Variants in ROBO2 observed in about 807,000 individuals in gnomAD.
The protein encoded by ROBO2 is roundabout homolog 2.
A neutral mutation model predicts 160.8 loss-of-function variants in ROBO2; 53 were observed. The observed-to-expected ratio is 0.33, with a 90% CI of 0.26 to 0.41. ROBO2 has a LOEUF of 0.41. Among genes scored for constraint, ROBO2 ranks in the 10% least tolerant of loss-of-function variants. The pLI is 1.00. For synonymous variants in ROBO2, 664 were observed against 611.7 expected (o/e 1.09, Z -1.26); for missense variants, 1,577 against 1,722.4 (o/e 0.92, Z 1.49).
chr3:76,335,048 T>G (rs1415928595), intron 2 of ROBO2, among the ~76,000 whole-genome samples: 1 of 152,106 alleles, frequency 6.6e-6, no homozygotes, highest in Non-Finnish European at 1.5e-5. Context: ...TTTTTTTGTT[T>G]TTGTAGAGAC....
At chr3:76,424,011 C>T (rs918577882) in intron 2 of ROBO2, among the ~76,000 whole-genome samples, 3 of 152,006 alleles carry the variant, frequency 2.0e-5, no homozygotes, top group African/African-American at 7.2e-5. Flanking sequence ...TCCAAAACGT[C>T]GATGAATCAA....
chr3:77,583,264 T>A (rs1463325556), intron 16 of ROBO2, among the ~76,000 whole-genome samples: 1 of 152,110 alleles, frequency 6.6e-6, no homozygotes, highest in African/African-American at 2.4e-5. Context: ...GGGTTAGTCT[T>A]GGCTGCATCA....
At chr3:76,370,580 A>C (rs1311347216) in intron 2 of ROBO2, among the ~76,000 whole-genome samples, 1 of 151,958 alleles carries the variant, frequency 6.6e-6, no homozygotes, top group Non-Finnish European at 1.5e-5. Flanking sequence ...CAAAGAAACC[A>C]CAGAGTCAAG....
intron 2 of ROBO2, among the ~76,000 whole-genome samples, chr3:76,585,848 G>A (rs866933831): frequency 2.5e-4 from 38 of 152,190 alleles, no homozygotes; most frequent in African/African-American, 8.4e-4. Flanking sequence ...ATGTACATGC[G>A]TATACAGTAT....
chr3:76,336,897 G>T (rs1291449742), intron 2 of ROBO2, among the ~76,000 whole-genome samples: 1 of 151,772 alleles, frequency 6.6e-6, no homozygotes, highest in African/African-American at 2.4e-5. Context: ...TTGTCAATTA[G>T]GTAAAATATG....
At position 76,862,605 on chromosome 3, in the gene ROBO2, C is replaced by T. The variant is rs547190651; in HGVS notation, c.110-235409C>T. Among the ~76,000 whole-genome samples the T allele has an allele frequency of 3.3e-5, 5 of 151,946 alleles. No homozygotes were observed. In the East Asian group the frequency reaches 7.8e-4, roughly 24 times the overall value. On this transcript the variant is annotated intron_variant, in intron 2 of 26. Transcript: ENST00000487694. ...TGTGTGTTCAGATTCTCTCTGTGTCCCTGTGTCTTCAGAGATATGGATATT... is the reference window on the plus strand; with the variant it reads ...TGTGTGTTCAGATTCTCTCTGTGTCTCTGTGTCTTCAGAGATATGGATATT...
intron 2 of ROBO2, among the ~76,000 whole-genome samples, chr3:76,578,420 C>A (rs1025700116): frequency 3.9e-5 from 6 of 152,240 alleles, no homozygotes; most frequent in Middle Eastern, 3.4e-3. Context: ...CCTCTCACCC[C>A]CCATTCATTT....
chr3:76,628,513 T>G (rs533274218), intron 2 of ROBO2, among the ~76,000 whole-genome samples: 51 of 150,850 alleles, frequency 3.4e-4, no homozygotes, highest in African/African-American at 1.2e-3. Context: ...AAGAATCACC[T>G]TCAGCTCCCA....
At chr3:76,691,289 G>T (rs2107221407) in intron 2 of ROBO2, among the ~76,000 whole-genome samples, 1 of 152,158 alleles carries the variant, frequency 6.6e-6, no homozygotes, top group South Asian at 2.1e-4. Context: ...GCCCTCACAA[G>T]ATGCAGTCCA....
At chr3:76,908,866 T>A (rs754418848) in intron 2 of ROBO2, among the ~76,000 whole-genome samples, 1 of 152,226 alleles carries the variant, frequency 6.6e-6, no homozygotes, top group African/African-American at 2.4e-5. Context: ...TATATGAAGA[T>A]AATTGATAAT....
chr3:76,071,553 T>A (rs2068454995), intron 2 of ROBO2, among the ~76,000 whole-genome samples: 1 of 152,166 alleles, frequency 6.6e-6, no homozygotes, highest in Non-Finnish European at 1.5e-5. Context: ...TATATTCGTA[T>A]CTTTAGGTAT....
chr3:77,602,065 C>T, intron 19 of ROBO2, 145 bp from the exon 21 acceptor site: 1 of 811,386 alleles, frequency 1.2e-6, no homozygotes, highest in Middle Eastern at 3.3e-4. Context: ...GGTTGTATAT[C>T]ATCTACCCTT....
At chr3:76,336,171 T>C (rs745803273) in intron 2 of ROBO2, among the ~76,000 whole-genome samples, 16 of 152,202 alleles carry the variant, frequency 1.1e-4, no homozygotes, top group Non-Finnish European at 2.4e-4. Context: ...CTTGTTCTCA[T>C]TGACCTGGTT....
At chr3:76,658,572 T>A (rs186150194) in intron 2 of ROBO2, among the ~76,000 whole-genome samples, 88 of 152,246 alleles carry the variant, frequency 5.8e-4, no homozygotes, top group African/African-American at 2.0e-3. Flanking sequence ...CACTTATCAG[T>A]GAGAACATGC....
At chr3:77,246,327 ATG>A (rs71104664) in intron 2 of ROBO2, among the ~76,000 whole-genome samples, 4,887 of 145,774 alleles carry the variant, frequency 0.034, 85 homozygotes, top group Middle Eastern at 0.064. Flanking sequence ...GTGTATGTGT[ATG>A]TGTGTGTGTG....
intron 2 of ROBO2, among the ~76,000 whole-genome samples, chr3:76,730,258 C>G (rs28670148): frequency 0.077 from 2,228 of 28,882 alleles, 390 homozygotes; most frequent in East Asian, 0.094. Context: ...CTACCCGCTT[C>G]TCCTCACCTC....
At chr3:76,853,408 T>C (rs2069634886) in intron 2 of ROBO2, among the ~76,000 whole-genome samples, 1 of 152,060 alleles carries the variant, frequency 6.6e-6, no homozygotes, top group Admixed American at 6.6e-5. Context: ...TTTCTGTGTA[T>C]ATGGTTTGAG....
intron 2 of ROBO2, among the ~76,000 whole-genome samples, chr3:76,629,678 C>T (rs552629503): frequency 7.9e-5 from 12 of 152,248 alleles, no homozygotes; most frequent in African/African-American, 9.6e-5. Context: ...CTCACAGACA[C>T]GCCCAGAAAC....
chr3:76,032,504 A>C (rs902191006), intron 2 of ROBO2, among the ~76,000 whole-genome samples: 1 of 152,124 alleles, frequency 6.6e-6, no homozygotes, highest in Non-Finnish European at 1.5e-5. Context: ...AGTGCTATAA[A>C]TTTCCCTCTA....
Sources: gnomAD v4.1 joint callset for allele counts (sites outside exome capture counted in the v4.1 genomes callset) on GRCh38, gnomAD v4.1.1 for gene constraint, MANE v1.5 for transcripts, NCBI Gene and HGNC (gene_info 2026-07-23, HGNC 2026-07-21) for gene names.